PKHD1L1: variants seen among roughly 807,000 people sequenced by gnomAD.
PKHD1L1 encodes PKHD1 like 1, also known as fibrocystin-L.
A neutral mutation model predicts 462.9 loss-of-function variants in PKHD1L1; 434 were observed. That is an observed-to-expected ratio of 0.94 (90% CI 0.87 to 1.02). The LOEUF (loss-of-function observed/expected upper bound fraction) is 1.02, where lower values mean the gene tolerates loss of function less well. Ranked by LOEUF, PKHD1L1 falls within the 50% of genes least tolerant of loss-of-function variation. The pLI, the probability that PKHD1L1 is intolerant of heterozygous loss-of-function variation, is 0.00. For missense variants in PKHD1L1, 5,202 were observed against 5,096.1 expected, an observed-to-expected ratio of 1.02 and a Z score of -0.63; for synonymous variants, 1,781 against 1,750.0, an observed-to-expected ratio of 1.02 and a Z score of -0.44.
At chr8:109,479,427 C>G in intron 53 of PKHD1L1, 124 bp from the exon 54 acceptor site, 1 of 621,034 alleles carries the variant, frequency 1.6e-6, no homozygotes, top group South Asian at 2.0e-5. Context: ...AAGGACAAAG[C>G]GTGCATTTTT....
At chr8:109,447,340 A>G (rs532438100) in intron 38 of PKHD1L1, among the ~76,000 whole-genome samples, 1 of 152,330 alleles carries the variant, frequency 6.6e-6, no homozygotes, top group African/African-American at 2.4e-5. Context: ...ACTATGGTCA[A>G]TTATATGGTA....
rs769320332 is a variant in PKHD1L1, at chr8:109,381,511, C to T, written c.305C>T (p.Thr102Ile). The T allele has an allele frequency of 1.5e-5, 24 of 1,564,092 alleles. No individual in the cohort carries two copies. The highest frequency in any genetic ancestry group is 2.0e-5 in the Non-Finnish European group (23 of 1,148,376). Residue 102 changes from threonine (T) to isoleucine (I), a missense_variant, in exon 3 of 78, where the codon ACT (threonine) becomes ATT (isoleucine). Physicochemically the swap from Thr to Ile is moderately conservative, Grantham distance 89. Transcript: ENST00000378402. ...CATTCAACTCAAATTACATGCTATA[C>T]TAGGTCTGTTTTAAAGTATCTTTAA... ...ASHSTQITCY[T>I]RAMPEDSYTV...
Position 109,408,028 on chromosome 8 carries a change from CTGTT to C in PKHD1L1, c.1814-17_1814-14del, listed in dbSNP as rs763271159. On this transcript the variant is annotated splice_polypyrimidine_tract_variant and intron_variant, in intron 17 of 77. Coordinates refer to ENST00000378402, the MANE Select transcript of PKHD1L1 (RefSeq NM_177531.6). The stretch of plus-strand genomic sequence containing the variant: ...TTTTATTAGTTAATGTCTACAAATT[CTGTT>C]TGTCACTTAATTTCAGGAGACTTTG... 3.9e-6 allele frequency: 6 copies of C among 1,553,866 alleles called. No homozygotes were observed. The highest frequency in any genetic ancestry group is 5.2e-6 in the Non-Finnish European group (6 of 1,146,868).
chr8:109,518,786 T>C (rs966074175), intron 73 of PKHD1L1, among the ~76,000 whole-genome samples: 5 of 152,154 alleles, frequency 3.3e-5, no homozygotes, highest in African/African-American at 7.2e-5. Flanking sequence ...GAAGACCTAC[T>C]TAAGCAAGTG....
intron 44 of PKHD1L1, 136 bp from the exon 45 acceptor site, chr8:109,454,587 C>T (rs1051988737): frequency 7.7e-7 from 1 of 1,300,536 alleles, no homozygotes; most frequent in Non-Finnish European, 1.1e-6. Context: ...GTTTATCTTT[C>T]AAAAGAAAGA....
rs751232528 is a variant in PKHD1L1 at position 109,382,477 on chromosome 8, A to G, written c.323A>G (p.Asp108Gly). Residue 108 changes from aspartate to glycine, a missense_variant, in exon 4 of 78, where the codon GAT becomes GGT. Asp to Gly is a moderately conservative substitution (Grantham distance 94, BLOSUM62 -1). Around this residue, in one of 3 missense-constraint regions of PKHD1L1, gnomAD observed 4,497 missense variants for 4,336.8 expected, o/e 1.04. Transcript: ENST00000378402. ...ITCYTRAMPE[D>G]SYTVRVSVDG... is the part of the protein sequence containing the mutation. ...TTTCTTTATAGAGCAATGCCGGAAG[A>G]TTCCTACACTGTTAGAGTCAGTGTG... The G allele has an allele frequency of 1.2e-6, 2 of 1,606,146 alleles. No homozygotes were observed. The highest frequency in any genetic ancestry group is 2.2e-5 in the South Asian group (2 of 89,854).
chr8:109,515,107 T>A, intron 71 of PKHD1L1, 63 bp from the exon 72 acceptor site: 1 of 1,289,590 alleles, frequency 7.8e-7, no homozygotes, highest in South Asian at 1.6e-5. Flanking sequence ...GAAGGACGGT[T>A]TAAGTGCTAA....
intron 35 of PKHD1L1, among the ~76,000 whole-genome samples, 168 bp downstream of exon 35, chr8:109,442,363 C>T (rs987737351): frequency 1.3e-5 from 2 of 151,970 alleles, no homozygotes; most frequent in Non-Finnish European, 2.9e-5. Flanking sequence ...TGAGTGTAAG[C>T]AAGTTATTTT....
intron 46 of PKHD1L1, among the ~76,000 whole-genome samples, chr8:109,457,145 G>T (rs551764245): frequency 1.6e-4 from 24 of 152,192 alleles, no homozygotes; most frequent in African/African-American, 5.8e-4. Context: ...TGATTATTAG[G>T]AAATGAACAG....
At chr8:109,529,085 A>T (rs1170982007) in intron 77 of PKHD1L1, among the ~76,000 whole-genome samples, 2 of 152,214 alleles carry the variant, frequency 1.3e-5, no homozygotes, top group Non-Finnish European at 2.9e-5. Flanking sequence ...AAAAGCCAAG[A>T]CTAGATTTTA....
At chr8:109,402,563 G>A (rs140634985) in intron 14 of PKHD1L1, among the ~76,000 whole-genome samples, 49 of 152,298 alleles carry the variant, frequency 3.2e-4, no homozygotes, top group African/African-American at 1.2e-3. Context: ...GTTGATAGGT[G>A]CAGTAAAGAG....
chr8:109,383,739 C>T (rs1190088586), intron 4 of PKHD1L1, among the ~76,000 whole-genome samples: 1 of 151,686 alleles, frequency 6.6e-6, no homozygotes, highest in African/African-American at 2.4e-5. Flanking sequence ...CTTAAAGCGA[C>T]CTAAATTGAG....
intron 5 of PKHD1L1, among the ~76,000 whole-genome samples, chr8:109,384,594 A>G (rs1812337744): frequency 6.6e-6 from 1 of 152,110 alleles, no homozygotes. Context: ...TTCATCTACT[A>G]TAATGTATTT....
chr8:109,438,869 C>T (rs1423111561), intron 31 of PKHD1L1, 28 bp from the exon 32 acceptor site: 2 of 1,484,896 alleles, frequency 1.3e-6, no homozygotes, highest in Admixed American at 2.2e-5. Context: ...GAACTTTTTG[C>T]ATTATTTTTT....
At chr8:109,451,285 G>T in intron 41 of PKHD1L1, 136 bp downstream of exon 41, 1 of 923,716 alleles carries the variant, frequency 1.1e-6, no homozygotes, top group Admixed American at 3.4e-5. Context: ...TAAGCTTAAG[G>T]CAAAAATAGT....
rs188518590 is a variant in PKHD1L1 at position 109,536,272 on chromosome 8, G to A, written c.*6182G>A. Among the ~76,000 whole-genome samples the A allele has an allele frequency of 2.3e-4, 35 of 152,290 alleles. No homozygotes were observed. Among genetic ancestry groups the A allele is most frequent in the African/African-American group, 7.2e-4 (30 of 41,560 alleles). ...GATATTTAATTTGCAAAATAAATCC[G>A]TAAAGCAGGAATTACTAACCTAATT... On this transcript the variant is annotated 3_prime_UTR_variant, in exon 78 of 78. Coordinates refer to ENST00000378402, the MANE Select transcript of PKHD1L1 (RefSeq NM_177531.6).
chr8:109,472,085 A>ATT (rs59624587), intron 50 of PKHD1L1, among the ~76,000 whole-genome samples: 3 of 151,472 alleles, frequency 2.0e-5, no homozygotes, highest in Non-Finnish European at 4.4e-5. Flanking sequence ...AATTGTGTTT[A>ATT]TTTTTTAAAA....
Position 109,444,806 on chromosome 8 carries a change from C to A in PKHD1L1, c.4937C>A (p.Thr1646Lys). The A allele has an allele frequency of 6.2e-7, 1 of 1,613,986 alleles. No individual in the cohort carries two copies. Among genetic ancestry groups the A allele is most frequent in the Non-Finnish European group, 8.5e-7 (1 of 1,179,886 alleles). Residue 1646 changes from threonine to lysine, a missense_variant, in exon 38 of 78, where the codon ACG (threonine) becomes AAG (lysine). Around this residue, in one of 3 missense-constraint regions of PKHD1L1, gnomAD observed 4,497 missense variants for 4,336.8 expected, o/e 1.04. Coordinates refer to ENST00000378402, the MANE Select transcript of PKHD1L1 (RefSeq NM_177531.6). ...TVYNLGTAIN[T>K]LSNEFDRRFV... ...TACAACCTGGGCACTGCTATCAATA[C>A]GTTGTCCAATGAATTTGATAGGCGA...
intron 58 of PKHD1L1, among the ~76,000 whole-genome samples, chr8:109,485,848 C>A (rs371097909): frequency 1.3e-5 from 2 of 151,944 alleles, no homozygotes; most frequent in African/African-American, 4.8e-5. Flanking sequence ...CAAAGCAGTA[C>A]TTTAATAGAA....
Sources: gnomAD v4.1 joint callset for allele counts (sites outside exome capture counted in the v4.1 genomes callset) on GRCh38, gnomAD v4.1.1 for gene constraint, gnomAD v4.1.1 regional missense constraint, MANE v1.5 for transcripts, NCBI Gene and HGNC (gene_info 2026-07-23, HGNC 2026-07-21) for gene names.